The following EML5 variants were observed in gnomAD, a reference collection of about 807,000 sequenced individuals.
EML5 encodes the protein echinoderm microtubule-associated protein-like 5.
EML5 carries 120 observed loss-of-function variants against 250.0 expected under a neutral mutation model. The ratio of observed to expected loss-of-function variants is 0.48; its 90% confidence interval spans 0.41 to 0.56. The LOEUF is 0.56. Ranked by LOEUF, EML5 falls within the 20% of genes least tolerant of loss-of-function variation. EML5 has a pLI of 0.00. For missense variants in EML5, 2,006 were observed against 2,437.6 expected (o/e 0.82, Z 3.73); for synonymous variants, 771 against 806.5 (o/e 0.96, Z 0.75).
Position 88,783,907 on chromosome 14 carries a change from T to C in EML5, c.197+8400A>G, listed in dbSNP as rs2094523958. ...TTATTCTCAAGGATAGACTGTGTGT[T>C]GGGTCATAAGACAAGTCTTAAAATG... On this transcript the variant is annotated intron_variant, in intron 1 of 43. Transcript: ENST00000554922. Among the ~76,000 whole-genome samples the C allele has an allele frequency of 3.9e-5, 6 of 152,358 alleles. No homozygotes were observed. The South Asian group carries it at 1.2e-3, about 32-fold the overall frequency.
rs555895353 is a variant in EML5 at position 88,755,053 on chromosome 14, C to T, written c.198-382G>A. Among the ~76,000 whole-genome samples, 59 of 152,334 alleles carry T rather than the reference C, an allele frequency of 3.9e-4. 1 individual carries two copies. Among genetic ancestry groups the T allele is most frequent in the African/African-American group, 1.3e-3 (56 of 41,580 alleles). On this transcript the variant is annotated intron_variant, in intron 1 of 43. Coordinates refer to ENST00000554922, the MANE Select transcript of EML5 (RefSeq NM_183387.3). ...CTCCTGACCTCAAGTGATCCGCCTG[C>T]CTCAGCTTCCAAAAGTGCTGGGATT...
At position 88,792,533 on chromosome 14, in the gene EML5, GGGCCCGCGGCGGCGAC is replaced by G. The variant is rs2094621599; in HGVS notation, c.-46_-31del. The stretch of plus-strand genomic sequence containing the variant: ...GGGCGCCCACCCGCCGCTCCCGCTC[GGGCCCGCGGCGGCGAC>G]GGGAGGCGGCGGCGGCCCGGCAACG... On this transcript the variant is annotated 5_prime_UTR_variant, in exon 1 of 44. Coordinates refer to ENST00000554922, the MANE Select transcript of EML5 (RefSeq NM_183387.3). This position sits in a 1 kb window ranked among gnomAD's most constrained non-coding sequence, Gnocchi z 6.9. 1 of 1,293,318 alleles carries G rather than the reference GGGCCCGCGGCGGCGAC, an allele frequency of 7.7e-7. No homozygotes were observed. The highest frequency in any genetic ancestry group is 9.9e-7 in the Non-Finnish European group (1 of 1,012,488). 80.1% of individuals were successfully genotyped at this position (1,293,318 alleles called of 1,614,324 possible). A position where few individuals can be genotyped will look rare whatever the true frequency, so the allele number is the denominator to read the frequency against.
At chr14:88,653,578 G>C (rs1485089790) in intron 27 of EML5, among the ~76,000 whole-genome samples, 1 of 152,204 alleles carries the variant, frequency 6.6e-6, no homozygotes, top group African/African-American at 2.4e-5. Flanking sequence ...CATTGGTTCT[G>C]TTCATGTGAT....
intron 7 of EML5, among the ~76,000 whole-genome samples, chr14:88,734,479 C>T (rs928466110): frequency 6.6e-6 from 1 of 151,918 alleles, no homozygotes; most frequent in African/African-American, 2.4e-5. Flanking sequence ...TTTGCATTCT[C>T]TTAAGGGGCC....
At chr14:88,681,332 C>T (rs1172956940) in intron 21 of EML5, among the ~76,000 whole-genome samples, 5 of 152,140 alleles carry the variant, frequency 3.3e-5, no homozygotes, top group African/African-American at 7.2e-5. Context: ...TGGAATTGGC[C>T]GGGGGCCGTG....
intron 14 of EML5, among the ~76,000 whole-genome samples, chr14:88,699,937 T>C (rs1268297605): frequency 6.6e-6 from 1 of 152,184 alleles, no homozygotes; most frequent in Middle Eastern, 3.2e-3. Flanking sequence ...AGTGTATTTT[T>C]AGTGAATTAT....
At position 88,792,201 on chromosome 14, in the gene EML5, G is replaced by A; in HGVS notation, c.197+106C>T. 1 of 1,349,466 alleles carries A rather than the reference G, an allele frequency of 7.4e-7. No individual in the cohort carries two copies. Among genetic ancestry groups the A allele is most frequent in the Non-Finnish European group, 1.0e-6 (1 of 1,000,086 alleles). The allele number at this position is 1,349,466 out of a possible 1,614,324, so 83.6% of individuals were successfully genotyped here. The stretch of plus-strand genomic sequence containing the variant: ...GAGAGACAGCTGCGGATTCCCCTCG[G>A]GGTGATGCTCCGTGCAGGAGCGGTC... On this transcript the variant is annotated intron_variant, in intron 1 of 43. Transcript: ENST00000554922. This position sits in a 1 kb window ranked among gnomAD's most constrained non-coding sequence, Gnocchi z 6.9.
Position 88,687,415 on chromosome 14 carries a change from A to T in EML5, c.2743-88T>A. ...TTCCTTATATTGAAAACTTCTAGAA[A>T]AAAGAACATAGTCAAAAGTTACAGC... On this transcript the variant is annotated intron_variant, in intron 18 of 43. Transcript: ENST00000554922. 3 of 903,410 alleles carry T rather than the reference A, an allele frequency of 3.3e-6. 1 individual carries two copies. In the South Asian group the frequency reaches 5.7e-5, roughly 17 times the overall value. The allele number at this position is 903,410 out of a possible 1,614,324, so 56.0% of individuals were successfully genotyped here.
chr14:88,685,219 T>A, intron 19 of EML5, 77 bp from the exon 20 acceptor site: 1 of 1,241,158 alleles, frequency 8.1e-7, no homozygotes. Context: ...CCAATTAAGC[T>A]ATTTTGACAG....
In EML5 at chr14:88,733,318, G is replaced by A. The variant is rs559686553; in HGVS notation, c.1049+3046C>T. ...GAAAAATGCCTTCAGGGCAAAAAGC[G>A]GCTTTGGCACAATGCCCCTAAATGC... is the stretch of plus-strand genomic sequence containing the variant. On this transcript the variant is annotated intron_variant, in intron 7 of 43. Transcript: ENST00000554922. Among the ~76,000 whole-genome samples the A allele has an allele frequency of 5.2e-4, 79 of 152,306 alleles. 1 individual carries two copies. Among genetic ancestry groups the A allele is most frequent in the African/African-American group, 1.5e-3 (63 of 41,570 alleles).
At chr14:88,631,400 A>C (rs1298447039) in intron 33 of EML5, among the ~76,000 whole-genome samples, 1 of 152,126 alleles carries the variant, frequency 6.6e-6, no homozygotes, top group Non-Finnish European at 1.5e-5. Flanking sequence ...ATTTTTGTAG[A>C]GATGGGGTTT....
At chr14:88,745,589 A>G (rs1356520468) in intron 3 of EML5, among the ~76,000 whole-genome samples, 3 of 152,300 alleles carry the variant, frequency 2.0e-5, no homozygotes, top group East Asian at 3.9e-4. Flanking sequence ...CACCTTAACC[A>G]TAATACATAT....
chr14:88,615,756 T>C lies in EML5; in HGVS notation c.*62A>G. The C allele has an allele frequency of 6.5e-7, 1 of 1,549,176 alleles. No homozygotes were observed. Among genetic ancestry groups the C allele is most frequent in the Admixed American group, 1.9e-5 (1 of 52,498 alleles). On this transcript the variant is annotated 3_prime_UTR_variant, in exon 44 of 44. Coordinates refer to ENST00000554922, the MANE Select transcript of EML5 (RefSeq NM_183387.3). ...CCACTTGACCATGCAGGGTTGGGTTTTGGTTTTTCTTCTCTGTAATTCTGG... is the reference window on the plus strand; with the variant it reads ...CCACTTGACCATGCAGGGTTGGGTTCTGGTTTTTCTTCTCTGTAATTCTGG...
At chr14:88,656,990 T>C (rs776228788) in intron 27 of EML5, among the ~76,000 whole-genome samples, 13 of 152,118 alleles carry the variant, frequency 8.5e-5, no homozygotes, top group Admixed American at 2.6e-4. Context: ...TAGGGTTTTG[T>C]TTTTGTGGGT....
intron 4 of EML5, 116 bp downstream of exon 4, chr14:88,743,907 T>G: frequency 3.8e-6 from 2 of 529,706 alleles, no homozygotes; most frequent in Non-Finnish European, 6.2e-6. Context: ...AACATTGCCA[T>G]TTTAAAAATA....
At chr14:88,718,182 G>C (rs1182242729) in intron 8 of EML5, among the ~76,000 whole-genome samples, 1 of 152,108 alleles carries the variant, frequency 6.6e-6, no homozygotes, top group Non-Finnish European at 1.5e-5. Flanking sequence ...GTTCAGTTTT[G>C]GAAATGCTGA....
chr14:88,658,885 T>C (rs558879679), intron 25 of EML5, among the ~76,000 whole-genome samples: 151 of 152,266 alleles, frequency 9.9e-4, no homozygotes, highest in African/African-American at 3.5e-3. Flanking sequence ...GATACAATAA[T>C]TGAGAAAGGA....
At chr14:88,676,179 C>T (rs879866312) in intron 21 of EML5, among the ~76,000 whole-genome samples, 4 of 152,222 alleles carry the variant, frequency 2.6e-5, no homozygotes, top group Non-Finnish European at 4.4e-5. Flanking sequence ...TCCCACTCTA[C>T]TGGTACCACT....
chr14:88,720,480 G>A (rs2093572725), intron 8 of EML5, among the ~76,000 whole-genome samples: 2 of 152,036 alleles, frequency 1.3e-5, no homozygotes, highest in South Asian at 2.1e-4. Flanking sequence ...TTCAACCAAT[G>A]CAAATCAATA....
Sources: gnomAD v4.1 joint callset for allele counts (sites outside exome capture counted in the v4.1 genomes callset) on GRCh38, gnomAD v4.1.1 for gene constraint, Gnocchi (gnomAD v3.1) non-coding constraint, MANE v1.5 for transcripts, NCBI Gene and HGNC (gene_info 2026-07-23, HGNC 2026-07-21) for gene names.